NHLH2: variants seen among roughly 807,000 people sequenced by gnomAD.
NHLH2 encodes the protein nescient helix-loop-helix 2.
A neutral mutation model predicts 7.3 loss-of-function variants in NHLH2; 7 were observed. That is an observed-to-expected ratio of 0.96 (90% CI 0.55 to 1.81). The LOEUF is 1.81. Ranked by LOEUF, NHLH2 falls within the 40% of genes most tolerant of loss-of-function variation. The probability of loss-of-function intolerance (pLI) is 0.00; values close to 1 mark genes in which losing one functional copy is unlikely to be tolerated. For missense variants in NHLH2, 155 were observed against 194.0 expected (o/e 0.80, Z 1.19); for synonymous variants, 93 against 91.6 (o/e 1.01, Z -0.09).
At chr1:115,835,944 T>A (rs1004060818), downstream of NHLH2, among the ~76,000 whole-genome samples, 6 of 152,132 alleles carry the variant, frequency 3.9e-5, no homozygotes, top group African/African-American at 1.4e-4. Context: ...TCTTAATAAG[T>A]GCCATGAGGA....
chr1:115,833,713 A>G (rs1650803099), downstream of NHLH2, among the ~76,000 whole-genome samples: 1 of 152,258 alleles, frequency 6.6e-6, no homozygotes, highest in Admixed American at 6.5e-5. Flanking sequence ...AAAGCACTTT[A>G]GTAAGCATGT....
At position 115,838,201 on chromosome 1, in the gene NHLH2, G is replaced by T. The variant is rs779964908; in HGVS notation, c.172C>A (p.Pro58Thr). Residue 58 changes from proline to threonine, a missense_variant, in exon 3 of 3, where the codon CCG becomes ACG. Around this residue, in one of 2 missense-constraint regions of NHLH2, gnomAD observed 91 missense variants for 86.6 expected, o/e 1.05. Transcript: ENST00000320238. ...TCGCGGCTCAGCTGCTGCGGGTGCG[G>T]GTAGAGCGCGGCTCGGCTGCCGCCC... ...GKGGSRAALYPHPQQLSREEK... is the reference protein window; with the variant it reads ...GKGGSRAALYTHPQQLSREEK... 12 of 1,565,304 alleles carry T rather than the reference G, an allele frequency of 7.7e-6. No individual in the cohort carries two copies. In the Admixed American group the frequency reaches 2.3e-4, roughly 30 times the overall value.
At position 115,838,494 on chromosome 1, in the gene NHLH2, C is replaced by G. The variant is rs540788603; in HGVS notation, c.-8-114G>C. On this transcript the variant is annotated intron_variant, in intron 2 of 2. Coordinates refer to ENST00000320238, the MANE Select transcript of NHLH2 (RefSeq NM_005599.3). Reference sequence around the variant, plus strand: ...CCAGCGGACGCGCGGCCCGGGCCCCCTCCCCACAGCAGGCCGGCGCGCGAC... The same window carrying G: ...CCAGCGGACGCGCGGCCCGGGCCCCGTCCCCACAGCAGGCCGGCGCGCGAC... The G allele has an allele frequency of 7.9e-4, 979 of 1,245,494 alleles. 3 individuals carry two copies. The African/African-American group carries it at 0.01, about 13-fold the overall frequency. The allele number at this position is 1,245,494 out of a possible 1,614,324, so 77.2% of individuals were successfully genotyped here. A position where few individuals can be genotyped will look rare whatever the true frequency, so the allele number is the denominator to read the frequency against.
downstream of NHLH2, among the ~76,000 whole-genome samples, chr1:115,832,235 T>A (rs572879492): frequency 9.2e-5 from 14 of 152,312 alleles, no homozygotes; most frequent in East Asian, 2.5e-3. Context: ...TAGATAACTC[T>A]ACAGGTGTGC....
chr1:115,838,578 GC>G lies in NHLH2; in HGVS notation c.-8-199del, dbSNP rs1650956088. On this transcript the variant is annotated intron_variant, in intron 2 of 2. Coordinates refer to ENST00000320238, the MANE Select transcript of NHLH2 (RefSeq NM_005599.3). ...CGCGAGCCCTGCGCCTCGCCCTGGCGCGGGAGCCGGCGGGGACGCGGTTGAC... is the reference window on the plus strand; with the variant it reads ...CGCGAGCCCTGCGCCTCGCCCTGGCGGGGAGCCGGCGGGGACGCGGTTGAC... 5 of 508,172 alleles carry G rather than the reference GC, an allele frequency of 9.8e-6. No homozygotes were observed. The South Asian group carries it at 1.7e-4, about 17-fold the overall frequency. 31.5% of individuals were successfully genotyped at this position (508,172 alleles called of 1,614,324 possible). A position where few individuals can be genotyped will look rare whatever the true frequency, so the allele number is the denominator to read the frequency against.
At chr1:115,835,183 G>A (rs561674579), downstream of NHLH2, among the ~76,000 whole-genome samples, 54 of 152,332 alleles carry the variant, frequency 3.5e-4, no homozygotes, top group African/African-American at 1.2e-3. Flanking sequence ...CCTCCTACAT[G>A]TGAATGGGAG....
chr1:115,833,480 A>AG (rs148571676), downstream of NHLH2, among the ~76,000 whole-genome samples: 7,155 of 151,908 alleles, frequency 0.047, 414 homozygotes, highest in African/African-American at 0.12. Flanking sequence ...GCAGGCACCA[A>AG]GGGGGGTGGT....
intron 2 of NHLH2, chr1:115,839,128 AC>A (rs748455999): frequency 6.0e-6 from 1 of 167,212 alleles, no homozygotes; most frequent in Non-Finnish European, 1.5e-5. Flanking sequence ...ACCATCTGTC[AC>A]GCAGACAGCC....
In NHLH2 at chr1:115,838,283, C is replaced by CCCA; in HGVS notation, c.89_90insTGG (p.Lys30delinsAsnGly). 6.2e-7 allele frequency: 1 copy of CCCA among 1,607,072 alleles called. No homozygotes were observed. Among genetic ancestry groups the CCCA allele is most frequent in the Non-Finnish European group, 8.5e-7 (1 of 1,178,534 alleles). On this transcript the variant is annotated protein_altering_variant, in exon 3 of 3. Coordinates refer to ENST00000320238, the MANE Select transcript of NHLH2 (RefSeq NM_005599.3). Reference sequence around the variant, plus strand: ...CCAGGTCCGACACGCTGCCGAGCACCTTGGTGTCCGTGCCGCCCAGGGACT... The same window carrying CCCA: ...CCAGGTCCGACACGCTGCCGAGCACCCCATTGGTGTCCGTGCCGCCCAGGGACT...
At chr1:115,831,647 G>A (rs145154996), downstream of NHLH2, among the ~76,000 whole-genome samples, 9 of 148,644 alleles carry the variant, frequency 6.1e-5, no homozygotes, top group East Asian at 6.1e-4. Flanking sequence ...GGCTGGGCGC[G>A]GTGGCTCACG....
At chr1:115,832,253 G>C (rs544752366), downstream of NHLH2, among the ~76,000 whole-genome samples, 2 of 152,318 alleles carry the variant, frequency 1.3e-5, no homozygotes, top group South Asian at 4.1e-4. Flanking sequence ...TGCATGTGTG[G>C]TGTATTCCAT....
At chr1:115,838,723 C>T (rs1650961800) in intron 2 of NHLH2, 1 of 273,688 alleles carries the variant, frequency 3.7e-6, no homozygotes. Context: ...TGTGCCTCTT[C>T]CGGCCAAATG....
In NHLH2 at chr1:115,837,731, C is replaced by G; in HGVS notation, c.*234G>C. 3.9e-6 allele frequency: 2 copies of G among 516,616 alleles called. No homozygotes were observed. Among genetic ancestry groups the G allele is most frequent in the South Asian group, 4.8e-5 (2 of 41,492 alleles). 32.0% of individuals were successfully genotyped at this position (516,616 alleles called of 1,614,324 possible). Reference sequence around the variant, plus strand: ...ACGAGGTTCTCCTGGCCTGGAAAATCCCCCCTGCGAGCCCCCGGGCTCGCC... The same window carrying G: ...ACGAGGTTCTCCTGGCCTGGAAAATGCCCCCTGCGAGCCCCCGGGCTCGCC... On this transcript the variant is annotated 3_prime_UTR_variant, in exon 3 of 3. Transcript: ENST00000320238.
chr1:115,838,474 G>T, intron 2 of NHLH2, 94 bp from the exon 3 acceptor site: 4 of 1,418,312 alleles, frequency 2.8e-6, no homozygotes, highest in East Asian at 2.6e-5. Flanking sequence ...TCCTCCCAGC[G>T]GACGCGCGGC....
At chr1:115,831,788 G>A (rs1176355027), downstream of NHLH2, among the ~76,000 whole-genome samples, 1 of 152,152 alleles carries the variant, frequency 6.6e-6, no homozygotes, top group East Asian at 1.9e-4. Context: ...TGGGCATGGT[G>A]GTACATGCCT....
At chr1:115,834,923 G>T (rs1650832904), downstream of NHLH2, among the ~76,000 whole-genome samples, 2 of 152,170 alleles carry the variant, frequency 1.3e-5, no homozygotes, top group Non-Finnish European at 2.9e-5. Context: ...ATGGATGGGC[G>T]AATAATCACT....
At position 115,838,442 on chromosome 1, in the gene NHLH2, C is replaced by T. The variant is rs1190129036; in HGVS notation, c.-8-62G>A. 5.2e-6 allele frequency: 8 copies of T among 1,540,940 alleles called. No homozygotes were observed. The East Asian group carries it at 1.7e-4, about 33-fold the overall frequency. On this transcript the variant is annotated intron_variant, in intron 2 of 2. Transcript: ENST00000320238. Reference sequence around the variant, plus strand: ...TCAGGGTATTTTGCTGGAAGGATGGCTGCCGAGGCCTACCACGCCGGTCCT... The same window carrying T: ...TCAGGGTATTTTGCTGGAAGGATGGTTGCCGAGGCCTACCACGCCGGTCCT...
At chr1:115,831,474 C>G (rs371413171), downstream of NHLH2, among the ~76,000 whole-genome samples, 1 of 152,126 alleles carries the variant, frequency 6.6e-6, no homozygotes, top group African/African-American at 2.4e-5. Context: ...GATAAGGACT[C>G]TTTTTTCTTT....
At chr1:115,834,385 G>A (rs1224223129), downstream of NHLH2, among the ~76,000 whole-genome samples, 7 of 152,176 alleles carry the variant, frequency 4.6e-5, no homozygotes, top group Admixed American at 4.6e-4. Flanking sequence ...GGGACAGCAG[G>A]AAGACATGTG....
Sources: allele counts gnomAD v4.1 joint callset (sites outside exome capture counted in the v4.1 genomes callset), GRCh38; gene constraint gnomAD v4.1.1; regional missense constraint gnomAD v4.1.1; transcripts MANE v1.5; gene names NCBI Gene and HGNC (gene_info 2026-07-23, HGNC 2026-07-21).